Variants in ZNF773 observed in about 807,000 individuals in gnomAD.
The protein encoded by ZNF773 is zinc finger protein 773.
ZNF773 carries 11 observed loss-of-function variants against 12.8 expected under a neutral mutation model. The observed-to-expected ratio is 0.86, with a 90% CI of 0.54 to 1.42. ZNF773 has a LOEUF of 1.42. Ranked by LOEUF, ZNF773 falls within the 40% of genes most tolerant of loss-of-function variation. The pLI is 0.00. For synonymous variants in ZNF773, 175 were observed against 178.4 expected, an observed-to-expected ratio of 0.98 and a Z score of 0.15; for missense variants, 518 against 527.2, an observed-to-expected ratio of 0.98 and a Z score of 0.17.
chr19:57,503,401 A>G (rs576435695), intron 1 of ZNF773, among the ~76,000 whole-genome samples: 2 of 152,112 alleles, frequency 1.3e-5, no homozygotes, highest in South Asian at 4.2e-4. Context: ...GGCCATGGGG[A>G]AAGGGATGTA....
chr19:57,506,336 A>T (rs2089733011), intron 3 of ZNF773, 22 bp from the exon 4 acceptor site: 1 of 1,591,386 alleles, frequency 6.3e-7, no homozygotes, highest in Non-Finnish European at 8.5e-7. Flanking sequence ...CATTTACTTC[A>T]TCAACATTTC....
Position 57,502,680 on chromosome 19 carries a change from T to C in ZNF773, c.34-1977T>C, listed in dbSNP as rs116560467. ...AGGAGATGTGGTTGAAGTCTGCGTT[T>C]TTTTTGTTTTGTTTTGTTTTTGTTT... On this transcript the variant is annotated intron_variant, in intron 1 of 3. Transcript: ENST00000282292. Among the ~76,000 whole-genome samples the C allele has an allele frequency of 4.0e-3, 604 of 152,082 alleles. 2 individuals carry two copies. The highest frequency in any genetic ancestry group is 0.014 in the African/African-American group (570 of 41,490).
downstream of ZNF773, chr19:57,512,858 A>C: frequency 3.2e-6 from 2 of 629,420 alleles, 1 homozygote; most frequent in African/African-American, 3.9e-5. Flanking sequence ...TAAATCAAGC[A>C]GCTGACCAAC....
intron 1 of ZNF773, among the ~76,000 whole-genome samples, chr19:57,502,033 C>T (rs2089676460): frequency 1.3e-5 from 2 of 152,152 alleles, no homozygotes; most frequent in Admixed American, 6.5e-5. Flanking sequence ...ACCTCCACCT[C>T]CCAGGTTCAA....
chr19:57,512,400 A>ATTTTTTTTTTTTTTTTTTTTTTTTTT (rs747914066), downstream of ZNF773, among the ~76,000 whole-genome samples: 1 of 113,298 alleles, frequency 8.8e-6, no homozygotes. Flanking sequence ...AAGATGCAGT[A>ATTTTTTTTTTTTTTTTTTTTTTTTTT]TTTTTTTTTT....
rs778148465 is a variant in ZNF773 at position 57,507,228 on chromosome 19, G to T, written c.1133G>T (p.Arg378Leu). 6.2e-7 allele frequency: 1 copy of T among 1,610,604 alleles called. No homozygotes were observed. The highest frequency in any genetic ancestry group is 8.5e-7 in the Non-Finnish European group (1 of 1,177,826). The change falls in exon 4 of 4, where the codon CGA becomes CTA. Residue 378 changes from arginine to leucine, a missense_variant. Arg to Leu is a moderately radical substitution (Grantham distance 102, BLOSUM62 -2). Transcript: ENST00000282292. The part of the protein sequence containing the change: ...FSQSSSLMQH[R>L]KVHTGEKPFK... ...CAAAGCTCAAGCCTCATGCAACATCGAAAAGTTCACACTGGAGAAAAACCT... is the reference window on the plus strand; with the variant it reads ...CAAAGCTCAAGCCTCATGCAACATCTAAAAGTTCACACTGGAGAAAAACCT...
downstream of ZNF773, chr19:57,516,153 G>C (rs2089830796): frequency 6.4e-6 from 1 of 155,460 alleles, no homozygotes; most frequent in African/African-American, 2.4e-5. Context: ...AGCTCCTCCA[G>C]TACGAGCCAT....
intron 1 of ZNF773, among the ~76,000 whole-genome samples, chr19:57,500,675 A>G (rs1322559939): frequency 1.3e-5 from 2 of 152,196 alleles, no homozygotes; most frequent in African/African-American, 2.4e-5. Flanking sequence ...TAGGGAATGA[A>G]GAGCCATTCT....
chr19:57,511,570 G>A (rs1166592872), downstream of ZNF773, among the ~76,000 whole-genome samples: 1 of 152,130 alleles, frequency 6.6e-6, no homozygotes, highest in African/African-American at 2.4e-5. Flanking sequence ...CAGTGTAGCA[G>A]CTTTAAAGGT....
exon 5 of ZNF773, chr19:57,518,316 G>A (rs1568585599): frequency 6.6e-6 from 1 of 152,314 alleles, no homozygotes; most frequent in East Asian, 1.9e-4. Flanking sequence ...AAATCAAGCA[G>A]CTGACCAACC....
intron 1 of ZNF773, among the ~76,000 whole-genome samples, chr19:57,501,333 G>A (rs1198003389): frequency 4.9e-5 from 7 of 142,892 alleles, no homozygotes; most frequent in Non-Finnish European, 7.5e-5. Context: ...TGCCCACCTC[G>A]GCCTCCCAAA....
chr19:57,505,537 T>G, intron 3 of ZNF773, 137 bp downstream of exon 3: 1 of 1,021,164 alleles, frequency 9.8e-7, no homozygotes. Context: ...TCTTCCTCAG[T>G]CACCCATTTA....
At chr19:57,508,752 G>A (rs1402030812), downstream of ZNF773, among the ~76,000 whole-genome samples, 3 of 147,110 alleles carry the variant, frequency 2.0e-5, no homozygotes, top group Non-Finnish European at 4.4e-5. Context: ...GTATTTCATT[G>A]TAGTTCTTAA....
At position 57,505,347 on chromosome 19, in the gene ZNF773, G is replaced by C. The variant is rs751444341; in HGVS notation, c.209G>C (p.Trp70Ser). ...KTHEITQLES[W>S]EEPFMPAWEV... ...CATGAAATAACCCAGCTGGAGTCATGGGAGGAGCCCTTCATGCCTGCTTGG... is the reference window on the plus strand; with the variant it reads ...CATGAAATAACCCAGCTGGAGTCATCGGAGGAGCCCTTCATGCCTGCTTGG... Residue 70 changes from tryptophan (W) to serine (S), a missense_variant, in exon 3 of 4, where the codon TGG becomes TCG. Trp to Ser is a radical substitution (Grantham distance 177). Transcript: ENST00000282292. The C allele has an allele frequency of 6.2e-7, 1 of 1,613,880 alleles. No individual in the cohort carries two copies. Among genetic ancestry groups the C allele is most frequent in the South Asian group, 1.1e-5 (1 of 91,080 alleles).
intron 1 of ZNF773, among the ~76,000 whole-genome samples, chr19:57,500,950 C>T (rs1016916654): frequency 6.6e-6 from 1 of 152,062 alleles, no homozygotes; most frequent in African/African-American, 2.4e-5. Flanking sequence ...GTTTCGTGGT[C>T]CGAAGTGATT....
chr19:57,508,931 G>A (rs143791148), downstream of ZNF773, among the ~76,000 whole-genome samples: 1,662 of 152,164 alleles, frequency 0.011, 20 homozygotes, highest in Non-Finnish European at 0.017. Context: ...TGATATAAGC[G>A]TTGGCAGTAT....
chr19:57,505,487 T>G (rs911385114), intron 3 of ZNF773, 87 bp downstream of exon 3: 24 of 1,447,496 alleles, frequency 1.7e-5, no homozygotes, highest in Non-Finnish European at 2.3e-5. Context: ...CCCAGATATT[T>G]TGATACCAAG....
At chr19:57,504,978 G>A in intron 2 of ZNF773, 192 bp downstream of exon 2, 8 of 1,036,006 alleles carry the variant, frequency 7.7e-6, no homozygotes, top group South Asian at 2.7e-5. Context: ...CCCCACAGCT[G>A]TGCAGGAAAG....
Position 57,507,178 on chromosome 19 carries a change from C to A in ZNF773, c.1083C>A (p.Cys361Ter), listed in dbSNP as rs1403039128. The A allele has an allele frequency of 1.2e-6, 2 of 1,614,170 alleles. No homozygotes were observed. The highest frequency in any genetic ancestry group is 1.7e-6 in the Non-Finnish European group (2 of 1,180,028). ...ACACTGGAGAAAGGCCTTATGAGTG[C>A]AGTGAATGTGGGAAATTTTTTAGCC... The part of the protein sequence containing the change: ...RVHTGERPYE[C>*]SECGKFFSQS... The change falls in exon 4 of 4, where the codon TGC becomes TGA. Residue 361 changes from cysteine to a stop codon, truncating the protein, a stop_gained. Coordinates refer to ENST00000282292, the MANE Select transcript of ZNF773 (RefSeq NM_198542.3). LOFTEE classifies it low-confidence loss of function (END_TRUNC).
Sources: allele counts gnomAD v4.1 joint callset (sites outside exome capture counted in the v4.1 genomes callset), GRCh38; gene constraint gnomAD v4.1.1; transcripts MANE v1.5; gene names NCBI Gene and HGNC (gene_info 2026-07-23, HGNC 2026-07-21).